The following RASA1 variants were observed in gnomAD, a reference collection of about 807,000 sequenced individuals.
RASA1 encodes the protein RAS p21 protein activator 1, also known as ras GTPase-activating protein 1.
RASA1 carries 25 observed loss-of-function variants against 132.2 expected under a neutral mutation model. The observed-to-expected ratio is 0.19, with a 90% CI of 0.14 to 0.26. The LOEUF (loss-of-function observed/expected upper bound fraction) is 0.26. Among genes scored for constraint, RASA1 ranks in the 10% least tolerant of loss-of-function variants. RASA1 has a pLI of 1.00. For synonymous variants in RASA1, 477 were observed against 449.9 expected (o/e 1.06, Z -0.76); for missense variants, 964 against 1,299.2 (o/e 0.74, Z 3.97).
intron 22 of RASA1, 45 bp from the exon 23 acceptor site, chr5:87,386,781 G>C: frequency 6.5e-7 from 1 of 1,528,078 alleles, no homozygotes; most frequent in Non-Finnish European, 9.1e-7. Context: ...AGATCAAACA[G>C]TGGTTTGTTT....
At chr5:87,379,698 C>A in intron 18 of RASA1, 37 bp from the exon 19 acceptor site, 1 of 1,604,574 alleles carries the variant, frequency 6.2e-7, no homozygotes. Flanking sequence ...TTTGTCATTG[C>A]CAACATGCAT....
At chr5:87,288,559 T>C (rs1188026252) in intron 1 of RASA1, among the ~76,000 whole-genome samples, 1 of 152,152 alleles carries the variant, frequency 6.6e-6, no homozygotes, top group African/African-American at 2.4e-5. Flanking sequence ...CATAATGGAC[T>C]CATGTAAAAT....
chr5:87,281,399 C>T (rs1417446224), intron 1 of RASA1, among the ~76,000 whole-genome samples: 2 of 151,906 alleles, frequency 1.3e-5, no homozygotes, highest in African/African-American at 2.4e-5. Context: ...CTCAGCTTCC[C>T]GAGTGCCAAC....
chr5:87,285,440 A>G (rs1261784759), intron 1 of RASA1, among the ~76,000 whole-genome samples: 2 of 152,114 alleles, frequency 1.3e-5, no homozygotes, highest in Non-Finnish European at 2.9e-5. Context: ...TTGAGAGAGT[A>G]CAGTGGAATA....
intron 22 of RASA1, among the ~76,000 whole-genome samples, chr5:87,386,157 A>G (rs1395484446): frequency 6.6e-6 from 1 of 151,850 alleles, no homozygotes; most frequent in Non-Finnish European, 1.5e-5. Flanking sequence ...GTGTTTCATT[A>G]TTTTATTACT....
At chr5:87,361,845 A>T (rs369593947) in intron 9 of RASA1, among the ~76,000 whole-genome samples, 1 of 142,458 alleles carries the variant, frequency 7.0e-6, no homozygotes, top group Non-Finnish European at 1.5e-5. Flanking sequence ...AGTTTTATAC[A>T]TTTTTTTTTA....
intron 5 of RASA1, among the ~76,000 whole-genome samples, chr5:87,338,536 A>ATATATATATATATTTTTTTTT: frequency 2.3e-5 from 2 of 85,212 alleles, no homozygotes; most frequent in African/African-American, 8.9e-5. Flanking sequence ...TATATATAAA[A>ATATATATATATATTTTTTTTT]TTTTTTTTTT....
chr5:87,291,062 T>A (rs1580206763), intron 1 of RASA1, among the ~76,000 whole-genome samples: 1 of 152,204 alleles, frequency 6.6e-6, no homozygotes, highest in Non-Finnish European at 1.5e-5. Context: ...CATTTTGCAT[T>A]CCCACCTGTA....
At chr5:87,284,542 G>A (rs1754459182) in intron 1 of RASA1, among the ~76,000 whole-genome samples, 1 of 152,202 alleles carries the variant, frequency 6.6e-6, no homozygotes, top group African/African-American at 2.4e-5. Context: ...GGTATCTGGA[G>A]TGGAACTGTT....
chr5:87,313,993 C>A (rs1756123274), intron 1 of RASA1, among the ~76,000 whole-genome samples: 1 of 151,714 alleles, frequency 6.6e-6, no homozygotes, highest in Non-Finnish European at 1.5e-5. Flanking sequence ...CATGGAGAAA[C>A]CCTGTCTCTA....
chr5:87,366,770 G>A (rs577392292), intron 11 of RASA1, among the ~76,000 whole-genome samples: 3 of 152,170 alleles, frequency 2.0e-5, no homozygotes, highest in South Asian at 2.1e-4. Context: ...AGTGGCTCAC[G>A]CCTGTAATCC....
chr5:87,366,728 A>G (rs536191526), intron 11 of RASA1, among the ~76,000 whole-genome samples: 5 of 152,366 alleles, frequency 3.3e-5, no homozygotes, highest in Admixed American at 2.0e-4. Flanking sequence ...TCTCTCATTT[A>G]GAAAACAGAT....
intron 1 of RASA1, among the ~76,000 whole-genome samples, chr5:87,277,922 A>T (rs977519948): frequency 6.6e-6 from 1 of 152,152 alleles, no homozygotes; most frequent in Non-Finnish European, 1.5e-5. Context: ...GATCCTACAC[A>T]TGACCATGGT....
At chr5:87,306,407 G>T (rs1755613888) in intron 1 of RASA1, among the ~76,000 whole-genome samples, 2 of 152,198 alleles carry the variant, frequency 1.3e-5, no homozygotes, top group Admixed American at 6.5e-5. Flanking sequence ...TTATAAGTGG[G>T]AGCTGAATGA....
At chr5:87,382,194 C>T (rs1446653175) in intron 20 of RASA1, among the ~76,000 whole-genome samples, 1 of 152,292 alleles carries the variant, frequency 6.6e-6, no homozygotes, top group African/African-American at 2.4e-5. Context: ...TCAGGTGGTA[C>T]ACCCACCTCG....
intron 24 of RASA1, among the ~76,000 whole-genome samples, chr5:87,390,006 T>TA (rs924931704): frequency 2.0e-5 from 3 of 152,156 alleles, no homozygotes; most frequent in African/African-American, 7.2e-5. Context: ...AACAAACTCT[T>TA]AGAGGAATTT....
At chr5:87,350,988 G>A (rs978067427) in intron 8 of RASA1, among the ~76,000 whole-genome samples, 12 of 151,520 alleles carry the variant, frequency 7.9e-5, no homozygotes, top group Non-Finnish European at 1.5e-4. Context: ...ATAAATCTTT[G>A]TGCTTATTGT....
chr5:87,275,103 C>T (rs1271174073), intron 1 of RASA1, among the ~76,000 whole-genome samples: 1 of 152,214 alleles, frequency 6.6e-6, no homozygotes, highest in Non-Finnish European at 1.5e-5. Flanking sequence ...GAAGAGTAGA[C>T]TTTCTGGTTG....
At chr5:87,281,749 T>C (rs1407805473) in intron 1 of RASA1, among the ~76,000 whole-genome samples, 2 of 151,986 alleles carry the variant, frequency 1.3e-5, no homozygotes, top group Non-Finnish European at 2.9e-5. Flanking sequence ...CCCGGCAAAT[T>C]TTTGTGTTTT....
Sources: allele counts gnomAD v4.1 joint callset (sites outside exome capture counted in the v4.1 genomes callset), GRCh38; gene constraint gnomAD v4.1.1; transcripts MANE v1.5; gene names NCBI Gene and HGNC (gene_info 2026-07-23, HGNC 2026-07-21).